The following ATG4A variants were observed in gnomAD, a reference collection of about 807,000 sequenced individuals.
ATG4A encodes cysteine protease ATG4A.
Under a neutral mutation model 38.4 loss-of-function variants are expected in ATG4A, and 22 were observed. That is an observed-to-expected ratio of 0.57 (90% CI 0.41 to 0.82). ATG4A has a LOEUF of 0.82. ATG4A is among the 40% of genes least tolerant of loss of function. ATG4A has a pLI of 0.00. For missense variants in ATG4A, 220 were observed against 290.0 expected (o/e 0.76, Z 1.75); for synonymous variants, 86 against 100.7 (o/e 0.85, Z 0.88).
chrX:108,137,259 C>A, intron 7 of ATG4A, 89 bp downstream of exon 7: 1 of 817,384 alleles, frequency 1.2e-6, no homozygotes, highest in South Asian at 2.6e-5. Context: ...GAGAGTCTCT[C>A]TGGTCTTCCC....
chrX:108,107,392 G>A (rs1044118210), intron 1 of ATG4A, among the ~76,000 whole-genome samples: 1 of 111,299 alleles, frequency 9.0e-6, no homozygotes, highest in Non-Finnish European at 1.9e-5. Context: ...TTATTTCTTT[G>A]CTGAGACTTT....
intron 4 of ATG4A, 118 bp from the exon 5 acceptor site, chrX:108,133,939 C>T: frequency 1.9e-6 from 1 of 518,055 alleles, no homozygotes; most frequent in Non-Finnish European, 3.1e-6. Flanking sequence ...ACTTGGTCAT[C>T]CCTGCCTTCT....
chrX:108,126,717 G>T, intron 2 of ATG4A: 1 of 966,281 alleles, frequency 1.0e-6, no homozygotes, highest in Admixed American at 3.1e-5. Context: ...TTCTGATTTT[G>T]TATAGAACTT....
chrX:108,123,293 G>A (rs1480340312), intron 1 of ATG4A, among the ~76,000 whole-genome samples: 4 of 112,073 alleles, frequency 3.6e-5, no homozygotes, highest in African/African-American at 1.3e-4. Flanking sequence ...AGAAAAGGCA[G>A]GGAACTCATA....
Position 108,141,058 on chromosome X carries a change from G to GTATATATATA in ATG4A, c.814+2868_814+2869insATATATATAT, listed in dbSNP as rs2033256590. 1.3e-4 allele frequency among the ~76,000 whole-genome samples: 4 copies of GTATATATATA among 30,569 alleles called. 2 individuals carry two copies. Among genetic ancestry groups the GTATATATATA allele is most frequent in the Non-Finnish European group, 2.4e-4 (4 of 16,637 alleles). 26.5% of individuals were successfully genotyped at this position (30,569 alleles called of 115,157 possible). Reference sequence around the variant, plus strand: ...TATATACATATATATACATATATACGTGTATATATATACATATATATATAT... The same window carrying GTATATATATA: ...TATATACATATATATACATATATACGTATATATATATGTATATATATACATATATATATAT... On this transcript the variant is annotated intron_variant, in intron 9 of 12. Transcript: ENST00000372232.
intron 1 of ATG4A, among the ~76,000 whole-genome samples, chrX:108,112,151 C>G (rs2032372183): frequency 9.0e-6 from 1 of 111,489 alleles, no homozygotes; most frequent in Non-Finnish European, 1.9e-5. Flanking sequence ...TACAAACAAT[C>G]CAATTATAAT....
At chrX:108,153,491 C>T in intron 12 of ATG4A, 151 bp from the exon 13 acceptor site, 1 of 469,566 alleles carries the variant, frequency 2.1e-6, no homozygotes, top group Admixed American at 3.7e-5. Flanking sequence ...TAATACTTGG[C>T]AGTAGTTCTA....
At chrX:108,128,749 T>C in intron 2 of ATG4A, 32 bp from the exon 3 acceptor site, 1 of 1,025,237 alleles carries the variant, frequency 9.8e-7, no homozygotes, top group Non-Finnish European at 1.3e-6. Context: ...TTAGATATGG[T>C]GATTTAATTT....
chrX:108,123,673 G>T (rs915472268), intron 1 of ATG4A, among the ~76,000 whole-genome samples: 1 of 112,413 alleles, frequency 8.9e-6, no homozygotes, highest in Non-Finnish European at 1.9e-5. Context: ...AATAGAGACT[G>T]TAATGACCTT....
intron 12 of ATG4A, among the ~76,000 whole-genome samples, 180 bp from the exon 13 acceptor site, chrX:108,153,462 A>G (rs2033636814): frequency 8.9e-6 from 1 of 112,122 alleles, no homozygotes; most frequent in African/African-American, 3.2e-5. Context: ...GGCTATTTTG[A>G]GTCTTTATAG....
intron 9 of ATG4A, among the ~76,000 whole-genome samples, chrX:108,140,975 C>T (rs866513477): frequency 4.8e-5 from 4 of 82,500 alleles, no homozygotes; most frequent in African/African-American, 1.5e-4. Context: ...CACATATATA[C>T]ACATATATAT....
In ATG4A at chrX:108,138,632, T is replaced by C. The variant is rs187573903; in HGVS notation, c.814+441T>C. ...GACAGAAGTACCCCTTTCCCGAGAA[T>C]GGGGGCTAAGCCTTAAAACCACTAA... On this transcript the variant is annotated intron_variant, in intron 9 of 12. Coordinates refer to ENST00000372232, the MANE Select transcript of ATG4A (RefSeq NM_052936.5). Among the ~76,000 whole-genome samples the C allele has an allele frequency of 1.2e-3, 136 of 111,145 alleles. 1 individual carries two copies. Among genetic ancestry groups the C allele is most frequent in the Non-Finnish European group, 3.4e-4 (18 of 52,897 alleles).
At chrX:108,118,512 C>T (rs1242757334) in intron 1 of ATG4A, among the ~76,000 whole-genome samples, 4 of 111,744 alleles carry the variant, frequency 3.6e-5, no homozygotes, top group African/African-American at 1.3e-4. Flanking sequence ...CCCTGTCCCT[C>T]TCAAGGGGCT....
In ATG4A at chrX:108,106,873, A is replaced by T. The variant is rs374289336; in HGVS notation, c.10+15037A>T. On this transcript the variant is annotated intron_variant, in intron 1 of 12. Transcript: ENST00000372232. ...TATGATATGTCTTACTGTGGAATTC[A>T]TTGGATTTATCCTATTGGGTTTGCT... Among the ~76,000 whole-genome samples, 5 of 111,349 alleles carry T rather than the reference A, an allele frequency of 4.5e-5. No homozygotes were observed. In the East Asian group the frequency reaches 1.4e-3, roughly 31 times the overall value.
At chrX:108,100,579 G>A (rs914062535) in intron 1 of ATG4A, among the ~76,000 whole-genome samples, 14 of 110,868 alleles carry the variant, frequency 1.3e-4, no homozygotes, top group African/African-American at 4.6e-4. Flanking sequence ...AGTTTAGATC[G>A]TTCCCTCTTG....
intron 6 of ATG4A, among the ~76,000 whole-genome samples, chrX:108,136,322 G>C (rs1475672868): frequency 9.0e-6 from 1 of 111,339 alleles, no homozygotes; most frequent in African/African-American, 3.3e-5. Flanking sequence ...ACGTAGCCGG[G>C]TTAAACATGG....
rs183968172 is a variant in ATG4A at position 108,138,554 on chromosome X, C to T, written c.814+363C>T. On this transcript the variant is annotated intron_variant, in intron 9 of 12. Coordinates refer to ENST00000372232, the MANE Select transcript of ATG4A (RefSeq NM_052936.5). ...TTTGCCAATATCTCTCTTATTAGGG[C>T]CTGCTGGCTCATTGTTCAGAGCTGT... Among the ~76,000 whole-genome samples, 268 of 112,042 alleles carry T rather than the reference C, an allele frequency of 2.4e-3. 1 individual carries two copies. The highest frequency in any genetic ancestry group is 8.5e-3 in the African/African-American group (262 of 30,830).
At chrX:108,136,954 G>A in intron 6 of ATG4A, 137 bp from the exon 7 acceptor site, 1 of 411,353 alleles carries the variant, frequency 2.4e-6, no homozygotes, top group Non-Finnish European at 4.1e-6. Flanking sequence ...TGGCAAAGAA[G>A]CCAGAGCTGA....
At chrX:108,147,737 G>GCCTC in intron 9 of ATG4A, among the ~76,000 whole-genome samples, 1 of 110,550 alleles carries the variant, frequency 9.0e-6, no homozygotes, top group East Asian at 2.8e-4. Context: ...ATTATGTATA[G>GCCTC]TCACTGAACT....
Sources: gnomAD v4.1 joint callset for allele counts (sites outside exome capture counted in the v4.1 genomes callset) on GRCh38, gnomAD v4.1.1 for gene constraint, MANE v1.5 for transcripts, NCBI Gene and HGNC (gene_info 2026-07-23, HGNC 2026-07-21) for gene names.